Variants in ITPKA observed in about 807,000 individuals in gnomAD.
ITPKA encodes the protein inositol-trisphosphate 3-kinase A, also known as IP3 3-kinase A.
Under a neutral mutation model 40.7 loss-of-function variants are expected in ITPKA, and 16 were observed. That is an observed-to-expected ratio of 0.39 (90% CI 0.27 to 0.60). ITPKA has a LOEUF of 0.60. Ranked by LOEUF, ITPKA falls within the 20% of genes least tolerant of loss-of-function variation. The pLI, the probability that ITPKA is intolerant of heterozygous loss-of-function variation, is 0.50. For missense variants in ITPKA, 540 were observed against 649.3 expected, an observed-to-expected ratio of 0.83 and a Z score of 1.83; for synonymous variants, 313 against 289.9, an observed-to-expected ratio of 1.08 and a Z score of -0.81.
In ITPKA at chr15:41,502,015, G is replaced by A; in HGVS notation, c.822G>A (p.Glu274=). 6.2e-7 allele frequency: 1 copy of A among 1,613,328 alleles called. No homozygotes were observed. Among genetic ancestry groups the A allele is most frequent in the Non-Finnish European group, 8.5e-7 (1 of 1,179,934 alleles). ...CCCACAGGACTTACCTAGAGGAGGA[G>A]CTGACCAAGGCCCGTGAGCGGCCCA... ...KMGVRTYLEE[E]LTKARERPKL... The change falls in exon 4 of 7, where the codon GAG becomes GAA. Residue 274 remains glutamate, a synonymous_variant. Coordinates refer to ENST00000260386, the MANE Select transcript of ITPKA (RefSeq NM_002220.3).
chr15:41,495,743 G>A (rs1474111101), intron 1 of ITPKA, among the ~76,000 whole-genome samples: 3 of 152,224 alleles, frequency 2.0e-5, no homozygotes, highest in Admixed American at 2.0e-4. Context: ...CCCCCGCCCC[G>A]CCTCTTCGGA....
chr15:41,497,724 G>A (rs942625214), intron 1 of ITPKA, among the ~76,000 whole-genome samples: 4 of 152,102 alleles, frequency 2.6e-5, no homozygotes, highest in Non-Finnish European at 4.4e-5. Context: ...TAATAGGTAT[G>A]AAAATCTTTT....
At chr15:41,502,701 C>A in intron 5 of ITPKA, 87 bp from the exon 6 acceptor site, 1 of 1,299,952 alleles carries the variant, frequency 7.7e-7, no homozygotes, top group Non-Finnish European at 1.1e-6. Context: ...TTGCCAAGCA[C>A]AGCGTGGGTC....
chr15:41,494,202 C>T lies in ITPKA; in HGVS notation c.275C>T (p.Pro92Leu), dbSNP rs943936402. The change falls in exon 1 of 7, where the codon CCC becomes CTC. Residue 92 changes from proline (P) to leucine (L), a missense_variant. By Grantham distance (98) the Pro-to-Leu change is moderately conservative. Transcript: ENST00000260386. This position sits in a 1 kb window ranked among gnomAD's most constrained non-coding sequence, Gnocchi z 7.8. ...LTVTAEEPDVPPTSPGPPERE... is the reference protein window; with the variant it reads ...LTVTAEEPDVLPTSPGPPERE... ...GTGACAGCCGAGGAGCCCGACGTGC[C>T]CCCGACCAGCCCTGGGCCGCCGGAG... 1 of 1,525,466 alleles carries T rather than the reference C, an allele frequency of 6.6e-7. No homozygotes were observed. The highest frequency in any genetic ancestry group is 2.0e-5 in the Admixed American group (1 of 50,356). The allele number at this position is 1,525,466 out of a possible 1,614,324, so 94.5% of individuals were successfully genotyped here. A position where few individuals can be genotyped will look rare whatever the true frequency, so the allele number is the denominator to read the frequency against.
At chr15:41,500,067 T>G (rs985667412) in intron 1 of ITPKA, among the ~76,000 whole-genome samples, 1 of 152,130 alleles carries the variant, frequency 6.6e-6, no homozygotes, top group African/African-American at 2.4e-5. Flanking sequence ...TTCAAGCGAT[T>G]CTCCTGCCTC....
At chr15:41,496,866 C>T (rs1180324289) in intron 1 of ITPKA, among the ~76,000 whole-genome samples, 1 of 152,168 alleles carries the variant, frequency 6.6e-6, no homozygotes, top group Non-Finnish European at 1.5e-5. Context: ...CCACCACGAC[C>T]ACAGGGAGTG....
chr15:41,501,628 TC>T lies in ITPKA; in HGVS notation c.587-5del. On this transcript the variant is annotated splice_polypyrimidine_tract_variant and splice_region_variant and intron_variant, in intron 2 of 6. Coordinates refer to ENST00000260386, the MANE Select transcript of ITPKA (RefSeq NM_002220.3). Reference sequence around the variant, plus strand: ...GCTGGGCGGCGCTGACGGATGCCGGTCCTCAGGGAGTTTTAAGGCGGCGGGC... The same window carrying T: ...GCTGGGCGGCGCTGACGGATGCCGGTCTCAGGGAGTTTTAAGGCGGCGGGC... The T allele has an allele frequency of 6.2e-7, 1 of 1,602,788 alleles. No individual in the cohort carries two copies. The highest frequency in any genetic ancestry group is 8.5e-7 in the Non-Finnish European group (1 of 1,175,774).
At position 41,501,498 on chromosome 15, in the gene ITPKA, T is replaced by C; in HGVS notation, c.525T>C (p.Asn175=). The C allele has an allele frequency of 6.2e-7, 1 of 1,603,978 alleles. No individual in the cohort carries two copies. The highest frequency in any genetic ancestry group is 8.5e-7 in the Non-Finnish European group (1 of 1,175,760). Residue 175 remains asparagine, a synonymous_variant, in exon 2 of 7, where the codon AAT becomes AAC. Transcript: ENST00000260386. The part of the protein sequence containing the change: ...NHWQKIRTMV[N]LPVISPFKKR... The stretch of plus-strand genomic sequence containing the variant: ...GGCAGAAGATCCGGACCATGGTCAA[T>C]CTGCCGGTCATAAGCCCTTTCAAGA...
chr15:41,501,243 C>T (rs2051107629), intron 1 of ITPKA: 1 of 868,832 alleles, frequency 1.2e-6, no homozygotes, highest in African/African-American at 1.8e-5. Context: ...CTCTTGACAG[C>T]TCACTGGAGA....
In ITPKA at chr15:41,501,784, C is replaced by T. The variant is rs1278553365; in HGVS notation, c.736C>T (p.Leu246=). ...GGTGGAGCGCGACGGCGAAAGCTACCTGCAGCTGCAGGACCTGCTCGATGG... is the reference window on the plus strand; with the variant it reads ...GGTGGAGCGCGACGGCGAAAGCTACTTGCAGCTGCAGGACCTGCTCGATGG... ...GVVERDGESY[L]QLQDLLDGFD... The change falls in exon 3 of 7, where the codon CTG becomes TTG. Residue 246 remains leucine, a synonymous_variant. Transcript: ENST00000260386. 1 of 1,613,246 alleles carries T rather than the reference C, an allele frequency of 6.2e-7. No individual in the cohort carries two copies. The highest frequency in any genetic ancestry group is 8.5e-7 in the Non-Finnish European group (1 of 1,179,886).
At chr15:41,499,857 G>A (rs1490484689) in intron 1 of ITPKA, among the ~76,000 whole-genome samples, 1 of 151,954 alleles carries the variant, frequency 6.6e-6, no homozygotes, top group African/African-American at 2.4e-5. Context: ...GAGATAAGGG[G>A]CACACCAAAA....
In ITPKA at chr15:41,501,681, C is replaced by T; in HGVS notation, c.633C>T (p.Cys211=). 6.2e-7 allele frequency: 1 copy of T among 1,609,836 alleles called. No homozygotes were observed. The highest frequency in any genetic ancestry group is 8.5e-7 in the Non-Finnish European group (1 of 1,178,636). The change falls in exon 3 of 7, where the codon TGC becomes TGT. Residue 211 remains cysteine, a synonymous_variant. Coordinates refer to ENST00000260386, the MANE Select transcript of ITPKA (RefSeq NM_002220.3). ...CCAGCGGGCTGATCCTGAAGCGCTG[C>T]TCGGAGCCGGAGCGCTACTGCCTGG... ...AGTSGLILKR[C]SEPERYCLAR...
rs890605760 is a variant in ITPKA at position 41,503,287 on chromosome 15, A to G, written c.*121A>G. On this transcript the variant is annotated 3_prime_UTR_variant, in exon 7 of 7. Transcript: ENST00000260386. ...TGCAGGGCAGTTCACCGGGTCCTGC[A>G]GGACCAGGTGCCAGCCACTAAGGGG... 5.4e-5 allele frequency: 41 copies of G among 755,134 alleles called. No homozygotes were observed. Among genetic ancestry groups the G allele is most frequent in the Non-Finnish European group, 8.2e-5 (39 of 476,954 alleles). The allele number at this position is 755,134 out of a possible 1,614,324, so 46.8% of individuals were successfully genotyped here. A position where few individuals can be genotyped will look rare whatever the true frequency, so the allele number is the denominator to read the frequency against.
In ITPKA at chr15:41,503,059, C is replaced by G; in HGVS notation, c.1279C>G (p.Gln427Glu). ...FGKTTPLPDGQILDHRRPWEE... is the reference protein window; with the variant it reads ...FGKTTPLPDGEILDHRRPWEE... ...CAAGACCACGCCCCTCCCCGATGGC[C>G]AGATCCTGGACCACCGGCGGCCCTG... Residue 427 changes from glutamine (Q) to glutamate (E), a missense_variant, in exon 7 of 7, where the codon CAG becomes GAG. Transcript: ENST00000260386. 6.2e-7 allele frequency: 1 copy of G among 1,610,256 alleles called. No homozygotes were observed. The highest frequency in any genetic ancestry group is 8.5e-7 in the Non-Finnish European group (1 of 1,177,442).
rs754673558 is a variant in ITPKA at position 41,503,005 on chromosome 15, C to T, written c.1225C>T (p.Arg409Cys). The T allele has an allele frequency of 1.9e-6, 3 of 1,607,976 alleles. No homozygotes were observed. Reference protein sequence around the residue: ...SLLFVHDHCHRAGVWLIDFGK... With the variant: ...SLLFVHDHCHCAGVWLIDFGK... ...CCTCTTTGTGCACGATCACTGCCAT[C>T]GCGCCGGCGTGTGGCTCATCGACTT... Residue 409 changes from arginine to cysteine, a missense_variant, in exon 7 of 7, where the codon CGC becomes TGC. Physicochemically the swap from Arg to Cys is radical, Grantham distance 180. Transcript: ENST00000260386.
Position 41,502,220 on chromosome 15 carries a change from G to C in ITPKA, c.1008+19G>C, listed in dbSNP as rs201437945. 6.4e-7 allele frequency: 1 copy of C among 1,551,558 alleles called. No homozygotes were observed. The highest frequency in any genetic ancestry group is 2.4e-5 in the East Asian group (1 of 41,612). Reference sequence around the variant, plus strand: ...CATCAAGGTGAGGCAGGCGCGCTTCGCTGGCACCGCCGCAGCCCCACTGCG... The same window carrying C: ...CATCAAGGTGAGGCAGGCGCGCTTCCCTGGCACCGCCGCAGCCCCACTGCG... On this transcript the variant is annotated intron_variant, in intron 4 of 6. Coordinates refer to ENST00000260386, the MANE Select transcript of ITPKA (RefSeq NM_002220.3).
At chr15:41,497,848 T>C (rs1238976633) in intron 1 of ITPKA, among the ~76,000 whole-genome samples, 1 of 151,810 alleles carries the variant, frequency 6.6e-6, no homozygotes, top group Non-Finnish European at 1.5e-5. Flanking sequence ...AGCAAAATCC[T>C]GTCTCTACTA....
At chr15:41,497,370 A>G (rs1243045855) in intron 1 of ITPKA, among the ~76,000 whole-genome samples, 2 of 152,182 alleles carry the variant, frequency 1.3e-5, no homozygotes, top group Non-Finnish European at 2.9e-5. Context: ...CTGGGATTAC[A>G]GGCACCTACC....
At chr15:41,497,877 C>T (rs1356926110) in intron 1 of ITPKA, among the ~76,000 whole-genome samples, 1 of 151,798 alleles carries the variant, frequency 6.6e-6, no homozygotes, top group Non-Finnish European at 1.5e-5. Flanking sequence ...AAAAAAATGT[C>T]ACGGTGGCTC....
Sources: allele counts gnomAD v4.1 joint callset (sites outside exome capture counted in the v4.1 genomes callset), GRCh38; gene constraint gnomAD v4.1.1; non-coding constraint Gnocchi (gnomAD v3.1); transcripts MANE v1.5; gene names NCBI Gene and HGNC (gene_info 2026-07-23, HGNC 2026-07-21).